FMN1: variants seen among roughly 807,000 people sequenced by gnomAD.
FMN1 encodes formin 1.
In FMN1, 110 loss-of-function variants were observed where a neutral mutation model predicts 132.4. That is an observed-to-expected ratio of 0.83 (90% CI 0.71 to 0.97). The LOEUF (loss-of-function observed/expected upper bound fraction) is 0.97. FMN1 is among the 50% of genes least tolerant of loss of function. FMN1 has a pLI of 0.00. For missense variants in FMN1, 1,792 were observed against 1,705.3 expected (o/e 1.05, Z -0.90); for synonymous variants, 722 against 651.7 (o/e 1.11, Z -1.64).
intron 6 of FMN1, chr15:33,012,800 G>C (rs1325132487): frequency 1.5e-6 from 1 of 675,978 alleles, no homozygotes; most frequent in Non-Finnish European, 2.7e-6. Flanking sequence ...GGTGGCTTTA[G>C]TGGCAGCTGT....
chr15:32,812,713 G>T (rs1212254891), intron 17 of FMN1, among the ~76,000 whole-genome samples: 1 of 152,192 alleles, frequency 6.6e-6, no homozygotes, highest in Admixed American at 6.5e-5. Context: ...TCAGATTAGA[G>T]ATTCTCAGCC....
At chr15:33,008,128 A>C (rs1596459389) in intron 6 of FMN1, 53 bp from the exon 7 acceptor site, 1 of 1,371,694 alleles carries the variant, frequency 7.3e-7, no homozygotes, top group East Asian at 2.5e-5. Flanking sequence ...TTAAGCACAA[A>C]ATTTATCTAC....
At chr15:32,906,513 G>C (rs1313141307) in intron 12 of FMN1, among the ~76,000 whole-genome samples, 1 of 152,184 alleles carries the variant, frequency 6.6e-6, no homozygotes, top group East Asian at 1.9e-4. Flanking sequence ...AAGCCTAAAA[G>C]ACTTACTATC....
intron 4 of FMN1, among the ~76,000 whole-genome samples, chr15:33,152,480 C>T (rs1190298660): frequency 6.6e-6 from 1 of 152,064 alleles, no homozygotes; most frequent in Non-Finnish European, 1.5e-5. Context: ...GACTGAATTC[C>T]TTCCTGTTCT....
chr15:32,906,870 C>A (rs1008505786), intron 12 of FMN1, among the ~76,000 whole-genome samples: 1 of 152,152 alleles, frequency 6.6e-6, no homozygotes, highest in Non-Finnish European at 1.5e-5. Flanking sequence ...TAGAAACCTA[C>A]TTTGAGGGGG....
chr15:33,175,158 T>C (rs1965472854), intron 3 of FMN1, among the ~76,000 whole-genome samples: 1 of 152,144 alleles, frequency 6.6e-6, no homozygotes, highest in African/African-American at 2.4e-5. Context: ...CCCAAGTAGC[T>C]GGGACTACAG....
chr15:32,905,415 T>A (rs866538506), intron 12 of FMN1, among the ~76,000 whole-genome samples: 50 of 152,308 alleles, frequency 3.3e-4, no homozygotes, highest in African/African-American at 1.1e-3. Flanking sequence ...TGGACCTTCA[T>A]GAAAATCACA....
chr15:32,874,930 G>C (rs1271377073), intron 16 of FMN1, among the ~76,000 whole-genome samples: 1 of 152,068 alleles, frequency 6.6e-6, no homozygotes, highest in African/African-American at 2.4e-5. Flanking sequence ...AACCAAATTA[G>C]CACTGTTAGT....
chr15:33,023,066 AAAAAAAAAAAAG>A (rs1333881796), intron 6 of FMN1, among the ~76,000 whole-genome samples: 4 of 75,238 alleles, frequency 5.3e-5, no homozygotes, highest in East Asian at 2.2e-4. Context: ...ACCCAAAAAA[AAAAAAAAAAAAG>A]AAAAAAAAGA....
chr15:33,125,043 T>C (rs1962920093), intron 4 of FMN1, among the ~76,000 whole-genome samples: 1 of 152,230 alleles, frequency 6.6e-6, no homozygotes, highest in South Asian at 2.1e-4. Context: ...TATCATGGAA[T>C]GCTTAAACAA....
chr15:33,113,338 G>T (rs1180625992), intron 4 of FMN1, among the ~76,000 whole-genome samples: 1 of 152,022 alleles, frequency 6.6e-6, no homozygotes, highest in Non-Finnish European at 1.5e-5. Flanking sequence ...TACAAAATTT[G>T]AATTATCTAT....
intron 6 of FMN1, chr15:33,062,897 GC>G (rs1239337487): frequency 6.6e-6 from 1 of 152,144 alleles, no homozygotes; most frequent in African/African-American, 2.4e-5. Context: ...TACAGAGCAA[GC>G]CTCGAATAAT....
intron 4 of FMN1, among the ~76,000 whole-genome samples, chr15:33,133,465 G>A (rs1390848211): frequency 2.0e-5 from 3 of 152,210 alleles, no homozygotes; most frequent in Non-Finnish European, 4.4e-5. Flanking sequence ...AACTGTAGAA[G>A]AAAGAGCATT....
chr15:32,888,302 A>G lies in FMN1; in HGVS notation c.3715-10T>C. 1.9e-6 allele frequency: 3 copies of G among 1,601,398 alleles called. No homozygotes were observed. The highest frequency in any genetic ancestry group is 1.7e-5 in the Admixed American group (1 of 57,448). On this transcript the variant is annotated splice_polypyrimidine_tract_variant and intron_variant, in intron 15 of 20. Coordinates refer to ENST00000616417, the MANE Select transcript of FMN1 (RefSeq NM_001277313.2). Reference sequence around the variant, plus strand: ...TTTCTGTTCCAGCTTCCTAAGAGATATGGTAAACAAAAGTACATTATACTT... The same window carrying G: ...TTTCTGTTCCAGCTTCCTAAGAGATGTGGTAAACAAAAGTACATTATACTT...
chr15:32,895,987 C>T (rs2060145598), intron 15 of FMN1, among the ~76,000 whole-genome samples: 1 of 152,108 alleles, frequency 6.6e-6, no homozygotes, highest in Admixed American at 6.5e-5. Flanking sequence ...TATTTACCTA[C>T]ACTTTTGTCA....
At chr15:33,007,786 A>G (rs905044392) in intron 7 of FMN1, among the ~76,000 whole-genome samples, 2 of 152,218 alleles carry the variant, frequency 1.3e-5, no homozygotes, top group Admixed American at 1.3e-4. Context: ...TCATTTTCCA[A>G]TCCAATCAAA....
chr15:33,070,123 G>C (rs558041913), intron 5 of FMN1, among the ~76,000 whole-genome samples: 2 of 146,274 alleles, frequency 1.4e-5, no homozygotes, highest in African/African-American at 5.1e-5. Flanking sequence ...CTTCTGCCTC[G>C]GCCTCCTGAG....
At chr15:32,853,562 G>A (rs1347521416) in intron 17 of FMN1, among the ~76,000 whole-genome samples, 1 of 152,104 alleles carries the variant, frequency 6.6e-6, no homozygotes, top group Non-Finnish European at 1.5e-5. Context: ...CATTTTCTAC[G>A]AATCAGTGAA....
At chr15:33,128,392 G>A (rs1472791397) in intron 4 of FMN1, among the ~76,000 whole-genome samples, 7 of 152,068 alleles carry the variant, frequency 4.6e-5, no homozygotes, top group Admixed American at 2.0e-4. Flanking sequence ...AACTCCAACT[G>A]CCCGCCATTT....
Sources: allele counts gnomAD v4.1 joint callset (sites outside exome capture counted in the v4.1 genomes callset), GRCh38; gene constraint gnomAD v4.1.1; transcripts MANE v1.5; gene names NCBI Gene and HGNC (gene_info 2026-07-23, HGNC 2026-07-21).